The following LUC7L variants were observed in gnomAD, a reference collection of about 807,000 sequenced individuals.
LUC7L encodes the protein LUC7 like, also known as putative RNA-binding protein Luc7-like 1.
LUC7L carries 29 observed loss-of-function variants against 51.1 expected under a neutral mutation model. The observed-to-expected ratio is 0.57, with a 90% CI of 0.42 to 0.77. The LOEUF (loss-of-function observed/expected upper bound fraction) is 0.77, where lower values mean the gene tolerates loss of function less well. LUC7L is among the 30% of genes least tolerant of loss of function. The pLI, the probability that LUC7L is intolerant of heterozygous loss-of-function variation, is 0.00. For missense variants in LUC7L, 403 were observed against 511.9 expected (o/e 0.79, Z 2.05); for synonymous variants, 181 against 180.7 (o/e 1.00, Z -0.01).
chr16:218,340 TG>T, intron 3 of LUC7L, among the ~76,000 whole-genome samples: 2 of 152,264 alleles, frequency 1.3e-5, no homozygotes, highest in East Asian at 3.9e-4. Flanking sequence ...AGAACCAGAA[TG>T]GCATCAAACC....
At chr16:218,444 G>A (rs1002257209) in intron 3 of LUC7L, among the ~76,000 whole-genome samples, 2 of 152,130 alleles carry the variant, frequency 1.3e-5, no homozygotes, top group African/African-American at 4.8e-5. Flanking sequence ...TTCTTACCAG[G>A]CACAGTGTAA....
At chr16:211,021 C>T (rs1182880651) in intron 3 of LUC7L, among the ~76,000 whole-genome samples, 4 of 149,524 alleles carry the variant, frequency 2.7e-5, no homozygotes, top group Non-Finnish European at 5.9e-5. Context: ...CCACTGCACT[C>T]CAGCCTGGGT....
intron 3 of LUC7L, among the ~76,000 whole-genome samples, chr16:211,685 AATCTCTCTCT>A (rs1481430012): frequency 1.3e-5 from 2 of 151,610 alleles, no homozygotes; most frequent in African/African-American, 4.8e-5. Context: ...AAAGTCACCC[AATCTCTCTCT>A]ATCTCTGAGT....
At chr16:189,535 A>C in intron 9 of LUC7L, 196 bp from the exon 10 acceptor site, 1 of 1,390,368 alleles carries the variant, frequency 7.2e-7, no homozygotes, top group East Asian at 2.5e-5. Flanking sequence ...ACCTTTGCGA[A>C]GATTTTTAAT....
chr16:214,584 T>A (rs189679983), intron 3 of LUC7L, among the ~76,000 whole-genome samples: 33 of 152,314 alleles, frequency 2.2e-4, no homozygotes, highest in Admixed American at 2.1e-3. Flanking sequence ...TGGAGCACAG[T>A]GGTGCAAGCA....
Position 189,162 on chromosome 16 carries a change from G to A in LUC7L, c.*36C>T, listed in dbSNP as rs373386315. ...AAGGGTAATTTTAGACTGTGTGAAC[G>A]TTTATCAGACTATTTACAGCACCCG... On this transcript the variant is annotated 3_prime_UTR_variant, in exon 10 of 10. Transcript: ENST00000293872. 26 of 1,581,394 alleles carry A rather than the reference G, an allele frequency of 1.6e-5. No individual in the cohort carries two copies. In the African/African-American group the frequency reaches 2.4e-4, roughly 15 times the overall value.
Position 211,216 on chromosome 16 carries a change from C to T in LUC7L, c.256-3028G>A, listed in dbSNP as rs572866667. On this transcript the variant is annotated intron_variant, in intron 3 of 9. Coordinates refer to ENST00000293872, the MANE Select transcript of LUC7L (RefSeq NM_201412.3). ...GCGTGGTGGCGGGCACCACTGGTTG[C>T]TATTTACCCAAAGAGATAGAGGAAA... is the stretch of plus-strand genomic sequence containing the variant. Among the ~76,000 whole-genome samples the T allele has an allele frequency of 7.9e-4, 120 of 152,296 alleles. 3 individuals carry two copies. In the South Asian group the frequency reaches 0.024, roughly 31 times the overall value.
intron 2 of LUC7L, among the ~76,000 whole-genome samples, chr16:225,550 G>A (rs1280684430): frequency 2.2e-5 from 3 of 136,112 alleles, no homozygotes; most frequent in African/African-American, 8.3e-5. Context: ...GCAATGGCTC[G>A]ATCTCGGCTC....
intron 1 of LUC7L, chr16:227,818 T>A: frequency 1.0e-6 from 1 of 1,001,290 alleles, no homozygotes; most frequent in Middle Eastern, 3.8e-4. Context: ...TCAAACTCTA[T>A]CGAAGACTGT....
intron 6 of LUC7L, among the ~76,000 whole-genome samples, chr16:198,371 T>C (rs1430268389): frequency 1.3e-5 from 2 of 149,564 alleles, no homozygotes; most frequent in African/African-American, 4.9e-5. Flanking sequence ...GATGGTACAA[T>C]GCTACCAGAA....
intron 6 of LUC7L, among the ~76,000 whole-genome samples, chr16:196,934 G>A (rs905853369): frequency 6.6e-5 from 9 of 136,970 alleles, no homozygotes; most frequent in Non-Finnish European, 1.2e-4. Flanking sequence ...TTGAGACAGA[G>A]TCTCGCTCTG....
intron 9 of LUC7L, 134 bp from the exon 10 acceptor site, chr16:189,473 C>A (rs2048951283): frequency 7.0e-7 from 1 of 1,427,032 alleles, no homozygotes; most frequent in Non-Finnish European, 9.1e-7. Context: ...CCCCCGGAGG[C>A]CAACCAGACT....
intron 2 of LUC7L, among the ~76,000 whole-genome samples, chr16:225,672 A>G (rs1567195308): frequency 1.3e-5 from 2 of 151,218 alleles, no homozygotes; most frequent in East Asian, 4.0e-4. Context: ...TTTAATAGAG[A>G]CAGGGTTTAT....
intron 8 of LUC7L, 73 bp from the exon 9 acceptor site, chr16:190,208 AT>A: frequency 7.7e-7 from 1 of 1,305,124 alleles, no homozygotes; most frequent in Non-Finnish European, 1.1e-6. Flanking sequence ...CCCTCAGCAG[AT>A]TCTGCTTGCT....
At chr16:195,033 G>C (rs1329600070) in intron 6 of LUC7L, among the ~76,000 whole-genome samples, 2 of 152,182 alleles carry the variant, frequency 1.3e-5, no homozygotes, top group African/African-American at 4.8e-5. Context: ...AAAGTATGCA[G>C]AGCTGGGTGA....
At position 220,725 on chromosome 16, in the gene LUC7L, G is replaced by A. The variant is rs201028787; in HGVS notation, c.179C>T (p.Thr60Ile). 162 of 1,613,804 alleles carry A rather than the reference G, an allele frequency of 1.0e-4. No homozygotes were observed. The highest frequency in any genetic ancestry group is 1.3e-4 in the Non-Finnish European group (157 of 1,179,894). Residue 60 changes from threonine to isoleucine, a missense_variant, in exon 3 of 10, where the codon ACC (threonine) becomes ATC (isoleucine). Physicochemically the swap from Thr to Ile is moderately conservative, Grantham distance 89. Coordinates refer to ENST00000293872, the MANE Select transcript of LUC7L (RefSeq NM_201412.3). The part of the protein sequence containing the change: ...AGTRMDLGEC[T>I]KIHDLALRAD... ...TCGGAGGGCCAAGTCGTGGATTTTG[G>A]TACATTCTCCTAAATCCATGCGCTG...
rs555784928 is a variant in LUC7L at position 216,747 on chromosome 16, T to C, written c.255+3902A>G. On this transcript the variant is annotated intron_variant, in intron 3 of 9. Coordinates refer to ENST00000293872, the MANE Select transcript of LUC7L (RefSeq NM_201412.3). ...TTTAGGGAGTGGGAGATGCGGGTAG[T>C]TTTCAGGGAGTAACTCTTGTATATT... Among the ~76,000 whole-genome samples, 10 of 152,148 alleles carry C rather than the reference T, an allele frequency of 6.6e-5. No individual in the cohort carries two copies. In the East Asian group the frequency reaches 1.7e-3, roughly 26 times the overall value.
Position 220,803 on chromosome 16 carries a change from C to G in LUC7L, c.157-56G>C, listed in dbSNP as rs2049944263. ...CAGTGCCTACCTACTGTAGAAAGCA[C>G]ACAACGCGACTTGGTGTTTCAACTG... On this transcript the variant is annotated intron_variant, in intron 2 of 9. Transcript: ENST00000293872. 11 of 1,107,150 alleles carry G rather than the reference C, an allele frequency of 9.9e-6. No homozygotes were observed. In the East Asian group the frequency reaches 2.6e-4, roughly 26 times the overall value. The allele number at this position is 1,107,150 out of a possible 1,614,324, so 68.6% of individuals were successfully genotyped here.
rs763918949 is a variant in LUC7L, at chr16:229,256, C to T, written c.61+23G>A. ...GCCTCACTCCCACCCCAGACCCTCG[C>T]CTGGTTGGCCGCTCTGACTCACCGT... On this transcript the variant is annotated intron_variant, in intron 1 of 9. Transcript: ENST00000293872. The T allele has an allele frequency of 5.9e-6, 9 of 1,531,380 alleles. 1 individual carries two copies. In the South Asian group the frequency reaches 7.2e-5, roughly 12 times the overall value. 94.9% of individuals were successfully genotyped at this position (1,531,380 alleles called of 1,614,324 possible).
Sources: gnomAD v4.1 joint callset for allele counts (sites outside exome capture counted in the v4.1 genomes callset) on GRCh38, gnomAD v4.1.1 for gene constraint, MANE v1.5 for transcripts, NCBI Gene and HGNC (gene_info 2026-07-23, HGNC 2026-07-21) for gene names.